Variants in PLD5 observed in about 807,000 individuals in gnomAD.
PLD5 encodes inactive phospholipase D5.
A neutral mutation model predicts 61.1 loss-of-function variants in PLD5; 36 were observed. That is an observed-to-expected ratio of 0.59 (90% CI 0.45 to 0.78). The LOEUF (loss-of-function observed/expected upper bound fraction) is 0.78, where lower values mean the gene tolerates loss of function less well. PLD5 is among the 30% of genes least tolerant of loss of function. PLD5 has a pLI of 0.00. For synonymous variants in PLD5, 243 were observed against 242.8 expected, an observed-to-expected ratio of 1.00 and a Z score of -0.01; for missense variants, 515 against 644.4, an observed-to-expected ratio of 0.80 and a Z score of 2.17.
At chr1:242,227,172 C>T (rs769420479) in intron 4 of PLD5, among the ~76,000 whole-genome samples, 1 of 152,054 alleles carries the variant, frequency 6.6e-6, no homozygotes, top group African/African-American at 2.4e-5. Context: ...TTTGAGGACA[C>T]TAATGTTTGC....
At chr1:242,100,934 AT>A in intron 8 of PLD5, 152 bp from the exon 9 acceptor site, 1 of 600,904 alleles carries the variant, frequency 1.7e-6, no homozygotes, top group Non-Finnish European at 2.9e-6. Context: ...AGATGAAGCT[AT>A]TTTTGTTCTC....
intron 5 of PLD5, among the ~76,000 whole-genome samples, chr1:242,146,612 C>T (rs904940467): frequency 7.9e-5 from 12 of 151,998 alleles, no homozygotes; most frequent in Non-Finnish European, 1.5e-4. Context: ...CTAACAGGAA[C>T]ACTTCAGATG....
At chr1:242,426,309 TAAAAAAAAAAAA>T (rs56996310) in intron 1 of PLD5, among the ~76,000 whole-genome samples, 1 of 120,064 alleles carries the variant, frequency 8.3e-6, no homozygotes, top group African/African-American at 3.2e-5. Context: ...CGTTTCCAGT[TAAAAAAAAAAAA>T]AAAAAAAAAA....
intron 5 of PLD5, among the ~76,000 whole-genome samples, chr1:242,148,332 A>C (rs770622732): frequency 7.9e-6 from 1 of 126,372 alleles, no homozygotes; most frequent in Admixed American, 7.6e-5. Context: ...TCTGGACTCT[A>C]TTTGCTTTCA....
intron 2 of PLD5, among the ~76,000 whole-genome samples, chr1:242,305,736 AT>A (rs1471996450): frequency 1.3e-5 from 2 of 152,156 alleles, no homozygotes; most frequent in East Asian, 3.9e-4. Context: ...TAATATTTGT[AT>A]TTTTAGTAGA....
intron 1 of PLD5, among the ~76,000 whole-genome samples, chr1:242,395,388 G>T (rs1663513528): frequency 6.6e-6 from 1 of 151,998 alleles, no homozygotes; most frequent in Admixed American, 6.6e-5. Context: ...GCTAACTACA[G>T]TTTGGCTATA....
intron 1 of PLD5, among the ~76,000 whole-genome samples, chr1:242,379,637 G>A (rs1370073510): frequency 6.6e-6 from 1 of 152,006 alleles, no homozygotes; most frequent in East Asian, 1.9e-4. Context: ...AAAACTTTGA[G>A]TTTTACGCTG....
At chr1:242,127,912 G>C (rs921101918) in intron 5 of PLD5, among the ~76,000 whole-genome samples, 9 of 152,140 alleles carry the variant, frequency 5.9e-5, no homozygotes, top group African/African-American at 2.2e-4. Flanking sequence ...AGTCCAAAAG[G>C]CAAATTCAGT....
At chr1:242,289,385 G>A (rs951303205) in intron 2 of PLD5, among the ~76,000 whole-genome samples, 1 of 152,066 alleles carries the variant, frequency 6.6e-6, no homozygotes, top group African/African-American at 2.4e-5. Flanking sequence ...GTCTCGCTCT[G>A]TTGCCCAGGC....
At chr1:242,150,709 TG>T in intron 5 of PLD5, among the ~76,000 whole-genome samples, 2 of 151,990 alleles carry the variant, frequency 1.3e-5, no homozygotes. Flanking sequence ...GTGGCTTTTT[TG>T]TGGACCATGC....
intron 5 of PLD5, among the ~76,000 whole-genome samples, chr1:242,175,038 TA>T (rs1667032752): frequency 6.6e-6 from 1 of 151,852 alleles, no homozygotes. Context: ...ACTTAAAGTA[TA>T]ATAATAAAAA....
At chr1:242,114,176 A>G (rs1484541197) in intron 6 of PLD5, 150 bp from the exon 7 acceptor site, 2 of 878,504 alleles carry the variant, frequency 2.3e-6, no homozygotes, top group South Asian at 2.0e-5. Context: ...GATATTTTCA[A>G]TCTTATCAAA....
chr1:242,097,044 C>T (rs2148660101), intron 9 of PLD5, among the ~76,000 whole-genome samples: 1 of 152,196 alleles, frequency 6.6e-6, no homozygotes, highest in Middle Eastern at 3.4e-3. Context: ...ATGATGGTTT[C>T]CAGCTTCATC....
At chr1:242,090,493 TC>T (rs1406789519) in intron 9 of PLD5, among the ~76,000 whole-genome samples, 3 of 152,190 alleles carry the variant, frequency 2.0e-5, no homozygotes, top group Non-Finnish European at 2.9e-5. Context: ...CAACATCTAA[TC>T]CATGTGAACA....
At position 242,406,014 on chromosome 1, in the gene PLD5, C is replaced by T. The variant is rs151164972; in HGVS notation, c.190-57772G>A. Reference sequence around the variant, plus strand: ...ATTGTGTTTCTCTGTCCAAAATGCACTCTTCTCTCACTGCTTTCTTTTATT... The same window carrying T: ...ATTGTGTTTCTCTGTCCAAAATGCATTCTTCTCTCACTGCTTTCTTTTATT... On this transcript the variant is annotated intron_variant, in intron 1 of 9. Transcript: ENST00000536534. 5.5e-3 allele frequency among the ~76,000 whole-genome samples: 838 copies of T among 152,324 alleles called. 3 individuals are homozygous for T. The highest frequency in any genetic ancestry group is 0.019 in the African/African-American group (797 of 41,568).
At chr1:242,112,984 G>A (rs1661646595) in intron 7 of PLD5, among the ~76,000 whole-genome samples, 1 of 151,442 alleles carries the variant, frequency 6.6e-6, no homozygotes, top group African/African-American at 2.4e-5. Context: ...AAGCAATGAT[G>A]AATTATTGAA....
At chr1:242,232,288 T>A (rs1671358596) in intron 4 of PLD5, among the ~76,000 whole-genome samples, 1 of 152,172 alleles carries the variant, frequency 6.6e-6, no homozygotes, top group Admixed American at 6.5e-5. Context: ...GATATTTTAA[T>A]AGTAACAGAA....
At chr1:242,153,634 G>C (rs1473598261) in intron 5 of PLD5, among the ~76,000 whole-genome samples, 1 of 152,072 alleles carries the variant, frequency 6.6e-6, no homozygotes, top group African/African-American at 2.4e-5. Context: ...GCTTGTTTGT[G>C]TCAGGTTTGT....
chr1:242,463,112 C>T (rs1480355608), intron 1 of PLD5, among the ~76,000 whole-genome samples: 4 of 152,220 alleles, frequency 2.6e-5, no homozygotes, highest in Admixed American at 6.6e-5. Flanking sequence ...GAGCTCATAT[C>T]TTTTCCTCGC....
Sources: allele counts gnomAD v4.1 joint callset (sites outside exome capture counted in the v4.1 genomes callset), GRCh38; gene constraint gnomAD v4.1.1; transcripts MANE v1.5; gene names NCBI Gene and HGNC (gene_info 2026-07-23, HGNC 2026-07-21).